DST: variants seen among roughly 807,000 people sequenced by gnomAD.
DST encodes the protein bullous pemphigoid antigen.
DST carries 253 observed loss-of-function variants against 875.2 expected under a neutral mutation model. The ratio of observed to expected loss-of-function variants is 0.29; its 90% CI spans 0.26 to 0.32. The LOEUF is 0.32. Ranked by LOEUF, DST falls within the 10% of genes least tolerant of loss-of-function variation. The probability of loss-of-function intolerance (pLI) is 1.00; values close to 1 mark genes in which losing one functional copy is unlikely to be tolerated. For missense variants in DST, 8,287 were observed against 9,111.6 expected, an observed-to-expected ratio of 0.91 and a Z score of 3.68; for synonymous variants, 3,124 against 3,197.1, an observed-to-expected ratio of 0.98 and a Z score of 0.77.
Position 56,609,103 on chromosome 6 carries a change from T to TAAGG in DST, c.5524_5525insCCTT (p.Lys1842ThrfsTer34). 1 of 1,613,832 alleles carries TAAGG rather than the reference T, an allele frequency of 6.2e-7. No individual in the cohort carries two copies. The highest frequency in any genetic ancestry group is 1.3e-5 in the African/African-American group (1 of 75,024). On this transcript the variant is annotated frameshift_variant, in exon 40 of 104. Transcript: ENST00000680361. LOFTEE classifies it high-confidence loss of function. ...AGGTGACGCAGCAGAAATAATCTCC[T>TAAGG]TAGCTTTACTTAGTTCTTTGAGTTG...
At position 56,606,498 on chromosome 6, in the gene DST, A is replaced by G. The variant is rs896668236; in HGVS notation, c.8130T>C (p.Pro2710=). Residue 2710 remains proline, a synonymous_variant, in exon 40 of 104, where the codon CCT becomes CCC. Transcript: ENST00000680361. ...GTCCATTCACCTTATCTGAGCCAAC[A>G]GGATTTAAATGTATTTTTTCACCAG... ...LDSGEKIHLN[P]VGSDKVNGQS... 1.9e-6 allele frequency: 3 copies of G among 1,613,386 alleles called. No homozygotes were observed. In the South Asian group the frequency reaches 3.3e-5, roughly 18 times the overall value.
At chr6:56,635,177 C>G (rs969438940) in intron 24 of DST, among the ~76,000 whole-genome samples, 1 of 152,102 alleles carries the variant, frequency 6.6e-6, no homozygotes, top group African/African-American at 2.4e-5. Context: ...ACATACTATA[C>G]AAATTTTACT....
At position 56,608,889 on chromosome 6, in the gene DST, C is replaced by T. The variant is rs919139699; in HGVS notation, c.5739G>A (p.Arg1913=). 1 of 1,613,566 alleles carries T rather than the reference C, an allele frequency of 6.2e-7. No homozygotes were observed. The highest frequency in any genetic ancestry group is 1.1e-5 in the South Asian group (1 of 91,078). The change falls in exon 40 of 104, where the codon AGG becomes AGA. Residue 1913 remains arginine, a synonymous_variant. Transcript: ENST00000680361. The part of the protein sequence containing the change: ...SSALFSKVLE[R]QNMCKDLIDP... Reference sequence around the variant, plus strand: ...CAATAAGATCTTTGCACATATTTTGCCTTTCCAGAACTTTAGAAAATAATG... The same window carrying T: ...CAATAAGATCTTTGCACATATTTTGTCTTTCCAGAACTTTAGAAAATAATG...
At chr6:56,815,996 T>G (rs2099766049) in intron 4 of DST, among the ~76,000 whole-genome samples, 1 of 152,142 alleles carries the variant, frequency 6.6e-6, no homozygotes, top group Non-Finnish European at 1.5e-5. Context: ...TGAAAAAAAG[T>G]AAGATTGAGT....
intron 2 of DST, among the ~76,000 whole-genome samples, chr6:56,902,774 G>C (rs759747397): frequency 5.3e-5 from 8 of 152,218 alleles, no homozygotes; most frequent in Non-Finnish European, 1.2e-4. Flanking sequence ...TGCTGGAGAA[G>C]AGGATTAAGG....
At chr6:56,602,026 G>A in intron 43 of DST, 1 of 433,146 alleles carries the variant, frequency 2.3e-6, no homozygotes, top group South Asian at 1.7e-5. Context: ...AATATGACTT[G>A]CTAACATTTA....
chr6:56,856,061 G>T (rs1767699156), intron 3 of DST, among the ~76,000 whole-genome samples: 1 of 152,130 alleles, frequency 6.6e-6, no homozygotes, highest in African/African-American at 2.4e-5. Context: ...TTTAACAATT[G>T]AATTAGATCA....
Position 56,532,465 on chromosome 6 carries a change from T to A in DST, c.16987A>T (p.Ile5663Phe). 1 of 1,610,406 alleles carries A rather than the reference T, an allele frequency of 6.2e-7. No individual in the cohort carries two copies. The change falls in exon 64 of 104, where the codon ATC becomes TTC. Residue 5663 changes from isoleucine (I) to phenylalanine (F), a missense_variant. This residue lies in a region of DST where 777 missense variants were observed against 764.8 expected (regional missense o/e 1.02). Transcript: ENST00000680361. ...GCAATTTTTTCTCCTTCTCGTTTGA[T>A]TACCTCCACCGTAGATTTTCGGTCA... ...LDDRKSTVEV[I>F]KREGEKIATT...
chr6:56,629,586 T>C (rs2098760531), intron 31 of DST, 143 bp from the exon 32 acceptor site: 1 of 673,892 alleles, frequency 1.5e-6, no homozygotes, highest in African/African-American at 1.8e-5. Context: ...ATGCACAATA[T>C]TATATTAGTT....
intron 85 of DST, among the ~76,000 whole-genome samples, chr6:56,491,168 A>C (rs969768888): frequency 6.6e-6 from 1 of 152,222 alleles, no homozygotes; most frequent in African/African-American, 2.4e-5. Context: ...CTCCCATTCA[A>C]AATGGGGTCT....
intron 4 of DST, among the ~76,000 whole-genome samples, chr6:56,781,100 C>G (rs566509403): frequency 6.6e-6 from 1 of 150,812 alleles, no homozygotes; most frequent in Non-Finnish European, 1.5e-5. Flanking sequence ...GTTTTGGTAC[C>G]AGTACCATGC....
At chr6:56,594,292 A>T in intron 47 of DST, 99 bp from the exon 48 acceptor site, 1 of 946,566 alleles carries the variant, frequency 1.1e-6, no homozygotes, top group Non-Finnish European at 1.5e-6. Flanking sequence ...TCAATGATCT[A>T]CAGGGCTACA....
At chr6:56,837,378 C>G (rs953605223) in intron 4 of DST, among the ~76,000 whole-genome samples, 3 of 152,176 alleles carry the variant, frequency 2.0e-5, no homozygotes, top group African/African-American at 7.2e-5. Flanking sequence ...ATCGGCCATC[C>G]TGACAATTTC....
chr6:56,557,353 G>A lies in DST; in HGVS notation c.14606C>T (p.Pro4869Leu). 1 of 1,613,536 alleles carries A rather than the reference G, an allele frequency of 6.2e-7. No homozygotes were observed. The highest frequency in any genetic ancestry group is 8.5e-7 in the Non-Finnish European group (1 of 1,179,660). The stretch of plus-strand genomic sequence containing the variant: ...CTGCCTTTGTGTGTTTAGCATATTT[G>A]GGTCAATTGACAAGGGCCCAAGAAC... ...VSVLGPLSID[P>L]NMLNTQRQQV... Residue 4869 changes from proline (P) to leucine (L), a missense_variant, in exon 59 of 104, where the codon CCA (proline) becomes CTA (leucine). Physicochemically the swap from Pro to Leu is moderately conservative, Grantham distance 98 (BLOSUM62 -3). This residue lies in a region of DST where 1,513 missense variants were observed against 1,677.8 expected (regional missense o/e 0.90). Transcript: ENST00000680361.
chr6:56,578,778 C>T, intron 50 of DST, 36 bp downstream of exon 50: 3 of 1,606,210 alleles, frequency 1.9e-6, no homozygotes, highest in Non-Finnish European at 2.6e-6. Context: ...TTAGAATTTA[C>T]CTGTGAGACA....
At chr6:56,586,018 T>C (rs1182059562) in intron 49 of DST, among the ~76,000 whole-genome samples, 2 of 151,982 alleles carry the variant, frequency 1.3e-5, no homozygotes, top group South Asian at 2.1e-4. Flanking sequence ...CTTCCAACTA[T>C]GTGGTCAGTT....
chr6:56,898,389 C>G (rs1256501364), intron 3 of DST, among the ~76,000 whole-genome samples: 1 of 152,188 alleles, frequency 6.6e-6, no homozygotes, highest in African/African-American at 2.4e-5. Context: ...GTCTTATTAA[C>G]CAAGGCAGTT....
At chr6:56,642,669 C>T (rs1435511930) in intron 15 of DST, 166 bp from the exon 16 acceptor site, 1 of 1,614,152 alleles carries the variant, frequency 6.2e-7, no homozygotes, top group Admixed American at 1.7e-5. Context: ...AAGAGTTGAT[C>T]AGTGTTGGAC....
At chr6:56,911,158 G>A (rs1027157448) in intron 2 of DST, among the ~76,000 whole-genome samples, 1 of 152,186 alleles carries the variant, frequency 6.6e-6, no homozygotes, top group Non-Finnish European at 1.5e-5. Flanking sequence ...GAAAAACTGA[G>A]AGCCTGGGCT....
Sources: allele counts gnomAD v4.1 joint callset (sites outside exome capture counted in the v4.1 genomes callset), GRCh38; gene constraint gnomAD v4.1.1; regional missense constraint gnomAD v4.1.1; transcripts MANE v1.5; gene names NCBI Gene and HGNC (gene_info 2026-07-23, HGNC 2026-07-21).